Variants in RYR3 observed in about 807,000 individuals in gnomAD.
RYR3 encodes brain ryanodine receptor-calcium release channel.
In RYR3, 207 loss-of-function variants were observed where a neutral mutation model predicts 584.3. The observed-to-expected ratio is 0.35, with a 90% CI of 0.32 to 0.40. RYR3 has a LOEUF of 0.40. Ranked by LOEUF, RYR3 falls within the 10% of genes least tolerant of loss-of-function variation. The pLI, the probability that RYR3 is intolerant of heterozygous loss-of-function variation, is 1.00. For missense variants in RYR3, 5,616 were observed against 6,089.2 expected, an observed-to-expected ratio of 0.92 and a Z score of 2.59; for synonymous variants, 2,416 against 2,248.5, an observed-to-expected ratio of 1.07 and a Z score of -2.11.
intron 1 of RYR3, among the ~76,000 whole-genome samples, chr15:33,341,551 C>T (rs796984083): frequency 4.6e-5 from 7 of 152,274 alleles, no homozygotes; most frequent in African/African-American, 1.4e-4. Context: ...GGAAATAGAT[C>T]TGAGTGGCTG....
intron 1 of RYR3, among the ~76,000 whole-genome samples, chr15:33,421,322 G>T (rs1421339352): frequency 1.3e-5 from 2 of 152,224 alleles, no homozygotes; most frequent in South Asian, 4.1e-4. Context: ...TCTGAGCCTA[G>T]AGGTAGGTTG....
chr15:33,685,491 A>G (rs1382324849), intron 38 of RYR3, among the ~76,000 whole-genome samples: 1 of 152,180 alleles, frequency 6.6e-6, no homozygotes, highest in Non-Finnish European at 1.5e-5. Flanking sequence ...CCACACAATA[A>G]TAATGGGAGA....
intron 3 of RYR3, among the ~76,000 whole-genome samples, chr15:33,510,799 A>C (rs2052916050): frequency 6.6e-6 from 1 of 152,144 alleles, no homozygotes; most frequent in South Asian, 2.1e-4. Context: ...AAACATGTAC[A>C]TCCTCTTCCC....
At chr15:33,449,201 T>C (rs902886203) in intron 1 of RYR3, among the ~76,000 whole-genome samples, 2 of 152,176 alleles carry the variant, frequency 1.3e-5, no homozygotes, top group African/African-American at 4.8e-5. Context: ...GTGCGGGCTG[T>C]GGTCACCTTA....
chr15:33,366,990 G>C (rs1374250988), intron 1 of RYR3, among the ~76,000 whole-genome samples: 1 of 152,212 alleles, frequency 6.6e-6, no homozygotes, highest in Non-Finnish European at 1.5e-5. Context: ...CCTGATATTA[G>C]CGTGGCCAAT....
In RYR3 at chr15:33,342,534, G is replaced by A. The variant is rs146132670; in HGVS notation, c.51+31438G>A. On this transcript the variant is annotated intron_variant, in intron 1 of 103. Coordinates refer to ENST00000634891, the MANE Select transcript of RYR3 (RefSeq NM_001036.6). ...TTAATAGGTAGGGTTTCCATAACCTGCAGTAGTTTTAAGAATCATTTTCAA... is the reference window on the plus strand; with the variant it reads ...TTAATAGGTAGGGTTTCCATAACCTACAGTAGTTTTAAGAATCATTTTCAA... Among the ~76,000 whole-genome samples, 711 of 152,262 alleles carry A rather than the reference G, an allele frequency of 4.7e-3. 14 individuals are homozygous for A. Among genetic ancestry groups the A allele is most frequent in the Middle Eastern group, 0.01 (3 of 294 alleles).
intron 38 of RYR3, among the ~76,000 whole-genome samples, chr15:33,690,031 G>A (rs928943194): frequency 6.6e-6 from 1 of 152,240 alleles, no homozygotes; most frequent in African/African-American, 2.4e-5. Context: ...GCAGAAACTT[G>A]TGAATTGGTG....
Position 33,584,413 on chromosome 15 carries a change from A to C in RYR3, c.1592A>C (p.Asn531Thr). 6.2e-7 allele frequency: 1 copy of C among 1,606,014 alleles called. No homozygotes were observed. Among genetic ancestry groups the C allele is most frequent in the East Asian group, 2.2e-5 (1 of 44,734 alleles). ...TTTGCAGCTGCTCTCATTCGCGGAA[A>C]CAGAAACAATTGCGCTCAATTCTCC... ...YKLLAALIRGNRNNCAQFSNN... is the reference protein window; with the variant it reads ...YKLLAALIRGTRNNCAQFSNN... The change falls in exon 15 of 104, where the codon AAC (asparagine) becomes ACC (threonine). Residue 531 changes from asparagine to threonine, a missense_variant. Asn to Thr is a moderately conservative substitution (Grantham distance 65). Transcript: ENST00000634891.
chr15:33,416,305 A>G (rs2043806193), intron 1 of RYR3, among the ~76,000 whole-genome samples: 1 of 152,180 alleles, frequency 6.6e-6, no homozygotes. Flanking sequence ...GGCTGAGCTA[A>G]TTTGCATTGC....
intron 2 of RYR3, among the ~76,000 whole-genome samples, chr15:33,490,042 A>G (rs376467276): frequency 3.4e-4 from 51 of 152,190 alleles, no homozygotes; most frequent in African/African-American, 1.2e-3. Context: ...ACTTCCTGAT[A>G]ATAGAGCAAA....
At chr15:33,691,199 T>C (rs1362485437) in intron 38 of RYR3, among the ~76,000 whole-genome samples, 1 of 152,234 alleles carries the variant, frequency 6.6e-6, no homozygotes, top group Non-Finnish European at 1.5e-5. Context: ...TAACAATTCA[T>C]TGGTCTATCT....
chr15:33,529,550 GA>G (rs2054674316), intron 3 of RYR3, among the ~76,000 whole-genome samples: 1 of 152,120 alleles, frequency 6.6e-6, no homozygotes, highest in African/African-American at 2.4e-5. Flanking sequence ...AGGTGTCCTT[GA>G]AGAAAAATGC....
At chr15:33,411,567 C>G (rs2030965850) in intron 1 of RYR3, among the ~76,000 whole-genome samples, 1 of 152,212 alleles carries the variant, frequency 6.6e-6, no homozygotes, top group Non-Finnish European at 1.5e-5. Flanking sequence ...TCCCAGTCAA[C>G]CCACTGACTC....
At chr15:33,683,221 C>A (rs1233616701) in intron 38 of RYR3, among the ~76,000 whole-genome samples, 1 of 151,988 alleles carries the variant, frequency 6.6e-6, no homozygotes, top group Non-Finnish European at 1.5e-5. Context: ...ATCTCGATCT[C>A]CTGACCTCAT....
At chr15:33,348,970 T>C (rs1318253753) in intron 1 of RYR3, among the ~76,000 whole-genome samples, 1 of 152,102 alleles carries the variant, frequency 6.6e-6, no homozygotes, top group East Asian at 1.9e-4. Flanking sequence ...ATTTTCATTG[T>C]CTCTATAGTT....
intron 40 of RYR3, among the ~76,000 whole-genome samples, chr15:33,698,349 A>G (rs1024643864): frequency 2.6e-5 from 4 of 152,216 alleles, no homozygotes; most frequent in African/African-American, 9.6e-5. Context: ...GCTGTTCTAA[A>G]GGAGAACAAG....
intron 101 of RYR3, 83 bp downstream of exon 101, chr15:33,860,742 A>C: frequency 9.5e-7 from 1 of 1,053,622 alleles, no homozygotes; most frequent in Non-Finnish European, 1.4e-6. Flanking sequence ...AGGTTTTACT[A>C]TTACTTAGGG....
At chr15:33,399,609 G>T (rs2042515211) in intron 1 of RYR3, among the ~76,000 whole-genome samples, 2 of 152,138 alleles carry the variant, frequency 1.3e-5, no homozygotes, top group South Asian at 4.1e-4. Flanking sequence ...CTGCACTCCA[G>T]CCTGGGCGAC....
chr15:33,445,899 A>G (rs1039516422), intron 1 of RYR3, among the ~76,000 whole-genome samples: 107 of 152,166 alleles, frequency 7.0e-4, no homozygotes, highest in Non-Finnish European at 1.8e-4. Context: ...GTGACTTTAC[A>G]TTATGTAACA....
Sources: allele counts gnomAD v4.1 joint callset (sites outside exome capture counted in the v4.1 genomes callset), GRCh38; gene constraint gnomAD v4.1.1; transcripts MANE v1.5; gene names NCBI Gene and HGNC (gene_info 2026-07-23, HGNC 2026-07-21).